The following C12orf42 variants were observed in gnomAD, a reference collection of about 807,000 sequenced individuals.
C12orf42 encodes chromosome 12 open reading frame 42, also known as uncharacterized protein C12orf42.
In C12orf42, 25 loss-of-function variants were observed where a neutral mutation model predicts 21.6. The ratio of observed to expected loss-of-function variants is 1.16; its 90% CI spans 0.84 to 1.62. C12orf42 has a LOEUF of 1.62. C12orf42 is among the 40% of genes most tolerant of loss of function. The pLI is 0.00. For missense variants in C12orf42, 483 were observed against 459.3 expected (o/e 1.05, Z -0.47); for synonymous variants, 174 against 175.0 (o/e 0.99, Z 0.05).
the C12orf42 span, among the ~76,000 whole-genome samples, chr12:103,166,722 T>C: frequency 6.6e-6 from 1 of 152,214 alleles, no homozygotes; most frequent in Non-Finnish European, 1.5e-5. Context: ...TCTTGTGCTG[T>C]CTTTACTCTT....
At chr12:103,295,227 A>G (rs1161298520) in intron 4 of C12orf42, among the ~76,000 whole-genome samples, 1 of 152,140 alleles carries the variant, frequency 6.6e-6, no homozygotes, top group East Asian at 1.9e-4. Context: ...TCAACATCAC[A>G]TTTGTAGTTA....
intron 2 of C12orf42, among the ~76,000 whole-genome samples, chr12:103,430,783 A>G (rs1180634103): frequency 6.6e-6 from 1 of 152,256 alleles, no homozygotes; most frequent in African/African-American, 2.4e-5. Flanking sequence ...CTATGCAGCC[A>G]CAAAAAGGAA....
the C12orf42 span, among the ~76,000 whole-genome samples, chr12:103,188,757 G>A: frequency 6.6e-6 from 1 of 152,192 alleles, no homozygotes; most frequent in Non-Finnish European, 1.5e-5. Context: ...CTTCTGCCAT[G>A]ATTGTAAGCT....
intron 4 of C12orf42, among the ~76,000 whole-genome samples, chr12:103,282,847 T>C (rs17033662): frequency 0.15 from 22,803 of 152,194 alleles, 1,793 homozygotes; most frequent in South Asian, 0.22. Context: ...AAGAGTCACT[T>C]TGAGTTTTGA....
At chr12:103,249,073 C>T (rs915803904) in intron 10 of C12orf42, among the ~76,000 whole-genome samples, 10 of 151,910 alleles carry the variant, frequency 6.6e-5, no homozygotes, top group Admixed American at 1.3e-4. Flanking sequence ...GAGATGACCA[C>T]AGAGTGGAGG....
upstream of C12orf42, among the ~76,000 whole-genome samples, chr12:103,499,277 A>G (rs929783229): frequency 6.6e-6 from 1 of 152,218 alleles, no homozygotes; most frequent in Non-Finnish European, 1.5e-5. Flanking sequence ...AAAAATGGTA[A>G]TTATATGAGG....
chr12:103,379,463 T>A (rs543473229), intron 3 of C12orf42, among the ~76,000 whole-genome samples: 2,026 of 152,260 alleles, frequency 0.013, 44 homozygotes, highest in African/African-American at 0.046. Flanking sequence ...AAAAAAATAC[T>A]AACTTGGGAG....
the C12orf42 span, chr12:103,557,327 A>T: frequency 2.6e-5 from 4 of 152,190 alleles, no homozygotes. Flanking sequence ...ATGTGCAATT[A>T]TCTAATCCTT....
At chr12:103,180,136 T>TAA in the C12orf42 span, among the ~76,000 whole-genome samples, 1 of 130,092 alleles carries the variant, frequency 7.7e-6, no homozygotes, top group Non-Finnish European at 1.7e-5. Flanking sequence ...TTTCCCTCAA[T>TAA]AAAAAAAAAA....
chr12:103,077,283 C>T, the C12orf42 span, among the ~76,000 whole-genome samples: 2 of 151,982 alleles, frequency 1.3e-5, no homozygotes, highest in East Asian at 3.9e-4. Context: ...ATATAAAATG[C>T]CAGCCAACAG....
At chr12:103,100,152 G>A in the C12orf42 span, among the ~76,000 whole-genome samples, 1 of 152,238 alleles carries the variant, frequency 6.6e-6, no homozygotes, top group African/African-American at 2.4e-5. Context: ...AAGGCAGGGG[G>A]CAGAGGCCCA....
chr12:103,104,589 C>A, the C12orf42 span, among the ~76,000 whole-genome samples: 1 of 152,182 alleles, frequency 6.6e-6, no homozygotes, highest in South Asian at 2.1e-4. Context: ...TACAGGCATG[C>A]GCCACCATGC....
the C12orf42 span, among the ~76,000 whole-genome samples, chr12:103,537,331 GA>G: frequency 0.013 from 1,865 of 147,270 alleles, 17 homozygotes; most frequent in Middle Eastern, 0.021. Context: ...TAAGGTTTAT[GA>G]AAAAAAAAAC....
chr12:103,227,644 C>A, the C12orf42 span, among the ~76,000 whole-genome samples: 595 of 151,742 alleles, frequency 3.9e-3, 2 homozygotes, highest in African/African-American at 0.014. Context: ...TGCCCCTTCC[C>A]CAGAAAAGCG....
intron 2 of C12orf42, among the ~76,000 whole-genome samples, chr12:103,412,495 C>T (rs1021583052): frequency 6.6e-6 from 1 of 152,150 alleles, no homozygotes; most frequent in Non-Finnish European, 1.5e-5. Flanking sequence ...ATGGCAAAAC[C>T]CTGTCCCTAC....
the C12orf42 span, among the ~76,000 whole-genome samples, chr12:103,169,739 T>C: frequency 3.3e-5 from 5 of 151,814 alleles, no homozygotes; most frequent in Non-Finnish European, 5.9e-5. Context: ...TAAAAAGATA[T>C]ACATATAAAA....
the C12orf42 span, among the ~76,000 whole-genome samples, chr12:103,543,880 GT>G: frequency 0.064 from 6,511 of 101,530 alleles, 485 homozygotes; most frequent in African/African-American, 0.26. Flanking sequence ...TGGTTTTTGG[GT>G]TTTTTTTTTG....
At chr12:103,083,289 G>A in the C12orf42 span, among the ~76,000 whole-genome samples, 2 of 152,110 alleles carry the variant, frequency 1.3e-5, no homozygotes, top group Non-Finnish European at 2.9e-5. Flanking sequence ...GCTTGAACCC[G>A]GGAGGCAGAG....
intron 5 of C12orf42, among the ~76,000 whole-genome samples, chr12:103,304,029 A>G (rs1201155027): frequency 6.6e-6 from 1 of 152,214 alleles, no homozygotes; most frequent in Non-Finnish European, 1.5e-5. Flanking sequence ...CCAAAAAAAT[A>G]GAAATTTCCT....
Sources: allele counts gnomAD v4.1 joint callset (sites outside exome capture counted in the v4.1 genomes callset), GRCh38; gene constraint gnomAD v4.1.1; transcripts MANE v1.5; gene names NCBI Gene and HGNC (gene_info 2026-07-23, HGNC 2026-07-21).